The following SCFD2 variants were observed in gnomAD, a reference collection of about 807,000 sequenced individuals.
SCFD2 encodes sec1 family domain containing 2.
Under a neutral mutation model 58.9 loss-of-function variants are expected in SCFD2, and 54 were observed. That is an observed-to-expected ratio of 0.92 (90% CI 0.74 to 1.15). The LOEUF is 1.15. Ranked by LOEUF, SCFD2 falls within the 50% of genes most tolerant of loss-of-function variation. The pLI, the probability that SCFD2 is intolerant of heterozygous loss-of-function variation, is 0.00. For synonymous variants in SCFD2, 321 were observed against 335.9 expected (o/e 0.96, Z 0.49); for missense variants, 805 against 836.6 (o/e 0.96, Z 0.47).
intron 5 of SCFD2, among the ~76,000 whole-genome samples, chr4:53,057,431 C>T (rs1723376077): frequency 6.6e-6 from 1 of 152,116 alleles, no homozygotes. Context: ...AGCCATCATC[C>T]TCAGCAAACT....
intron 4 of SCFD2, among the ~76,000 whole-genome samples, chr4:53,176,608 C>G (rs1727338080): frequency 6.6e-6 from 1 of 152,236 alleles, no homozygotes; most frequent in African/African-American, 2.4e-5. Context: ...TTCTAGACCA[C>G]TGTTCTGACT....
chr4:53,140,220 A>T (rs903283653), intron 5 of SCFD2, among the ~76,000 whole-genome samples: 6 of 151,772 alleles, frequency 4.0e-5, no homozygotes, highest in Non-Finnish European at 1.5e-5. Flanking sequence ...AAAAAAATAA[A>T]AAAAAAGAAC....
intron 5 of SCFD2, among the ~76,000 whole-genome samples, chr4:53,019,340 C>A (rs1460278396): frequency 3.9e-5 from 6 of 151,950 alleles, no homozygotes; most frequent in African/African-American, 1.5e-4. Context: ...GTATTTAAAG[C>A]CCTGTTTATG....
At chr4:53,248,352 GC>G (rs1730193400) in intron 4 of SCFD2, among the ~76,000 whole-genome samples, 1 of 152,222 alleles carries the variant, frequency 6.6e-6, no homozygotes. Flanking sequence ...GGGGAGGGGC[GC>G]CCGCCATTGC....
intron 4 of SCFD2, among the ~76,000 whole-genome samples, chr4:53,253,468 A>G (rs140838106): frequency 0.57 from 86,519 of 151,766 alleles, 24,998 homozygotes; most frequent in Middle Eastern, 0.65. Context: ...TATTCACAAT[A>G]GCAAAGACTT....
intron 5 of SCFD2, among the ~76,000 whole-genome samples, chr4:52,995,534 C>T (rs368530362): frequency 1.6e-4 from 24 of 152,322 alleles, no homozygotes; most frequent in African/African-American, 3.8e-4. Flanking sequence ...GAGTCACTTC[C>T]GTTTGACCAG....
At chr4:53,070,920 A>G (rs1043569739) in intron 5 of SCFD2, among the ~76,000 whole-genome samples, 1 of 152,112 alleles carries the variant, frequency 6.6e-6, no homozygotes, top group African/African-American at 2.4e-5. Flanking sequence ...TTTCTTGCTT[A>G]CTAATGAAAC....
chr4:53,296,635 T>A (rs2149092328), intron 3 of SCFD2, among the ~76,000 whole-genome samples: 1 of 152,304 alleles, frequency 6.6e-6, no homozygotes, highest in East Asian at 1.9e-4. Flanking sequence ...TGTCTCTATC[T>A]CCTTCAGTTC....
intron 2 of SCFD2, among the ~76,000 whole-genome samples, chr4:53,345,030 T>C (rs183170935): frequency 1.4e-3 from 220 of 152,272 alleles, no homozygotes; most frequent in Non-Finnish European, 2.4e-3. Context: ...ATTCAGGACA[T>C]AGGCATGGGC....
chr4:53,005,225 A>G (rs962713644), intron 5 of SCFD2, among the ~76,000 whole-genome samples: 1 of 152,140 alleles, frequency 6.6e-6, no homozygotes, highest in Non-Finnish European at 1.5e-5. Flanking sequence ...AACTTTGGTC[A>G]TGACTCCACT....
At chr4:53,255,419 G>C (rs909954039) in intron 4 of SCFD2, among the ~76,000 whole-genome samples, 9 of 151,986 alleles carry the variant, frequency 5.9e-5, no homozygotes, top group Admixed American at 1.3e-4. Context: ...TGACTCTTAA[G>C]GAGCATGCTG....
intron 5 of SCFD2, among the ~76,000 whole-genome samples, chr4:53,091,340 C>T (rs1351584304): frequency 1.3e-5 from 2 of 149,212 alleles, no homozygotes; most frequent in Admixed American, 6.7e-5. Context: ...TAACTCTCAG[C>T]ACCCAGGCAA....
intron 5 of SCFD2, among the ~76,000 whole-genome samples, chr4:53,024,956 T>A (rs1722437503): frequency 6.6e-6 from 1 of 152,208 alleles, no homozygotes; most frequent in African/African-American, 2.4e-5. Context: ...TCTGTGAGTA[T>A]CCACTGCATT....
chr4:53,084,830 G>C (rs112220582), intron 5 of SCFD2, among the ~76,000 whole-genome samples: 1 of 152,172 alleles, frequency 6.6e-6, no homozygotes, highest in Non-Finnish European at 1.5e-5. Flanking sequence ...ATTTGATAAA[G>C]TTCAACATTC....
chr4:53,072,855 C>T (rs1723861752), intron 5 of SCFD2, among the ~76,000 whole-genome samples: 1 of 152,104 alleles, frequency 6.6e-6, no homozygotes, highest in South Asian at 2.1e-4. Context: ...GTGTCCGCAT[C>T]CTAGTTTTCT....
In SCFD2 at chr4:53,352,816, C is replaced by A. The variant is rs1379974254; in HGVS notation, c.839-50G>T. On this transcript the variant is annotated intron_variant, in intron 1 of 8. Transcript: ENST00000401642. ...AAATTCATAAAATGGGAGGAAAAAG[C>A]AAGTTGGATAAATGTTTTATCACAC... 3 of 1,495,696 alleles carry A rather than the reference C, an allele frequency of 2.0e-6. No individual in the cohort carries two copies. In the East Asian group the frequency reaches 6.9e-5, roughly 34 times the overall value. The allele number at this position is 1,495,696 out of a possible 1,614,324, so 92.7% of individuals were successfully genotyped here. A position where few individuals can be genotyped will look rare whatever the true frequency, so the allele number is the denominator to read the frequency against.
intron 5 of SCFD2, among the ~76,000 whole-genome samples, chr4:52,933,370 A>G (rs1453219148): frequency 3.3e-5 from 5 of 152,212 alleles, no homozygotes; most frequent in Non-Finnish European, 5.9e-5. Flanking sequence ...AGAGATAACT[A>G]AGATGAATCA....
Position 53,163,439 on chromosome 4 carries a change from A to C in SCFD2, c.1312-17857T>G, listed in dbSNP as rs557552869. The stretch of plus-strand genomic sequence containing the variant: ...GATGGCTGCATTTAAAAAGAGGAGA[A>C]GAGGCCAGGCGCAGGGGCTCACACC... On this transcript the variant is annotated intron_variant, in intron 4 of 8. Coordinates refer to ENST00000401642, the MANE Select transcript of SCFD2 (RefSeq NM_152540.4). Among the ~76,000 whole-genome samples, 12 of 152,308 alleles carry C rather than the reference A, an allele frequency of 7.9e-5. No homozygotes were observed. In the East Asian group the frequency reaches 2.1e-3, roughly 27 times the overall value.
At chr4:53,332,056 G>A (rs1458839533) in intron 2 of SCFD2, among the ~76,000 whole-genome samples, 4 of 152,232 alleles carry the variant, frequency 2.6e-5, no homozygotes, top group African/African-American at 9.6e-5. Context: ...GGAAAAAGTT[G>A]AATCTCTGAA....
Sources: allele counts gnomAD v4.1 joint callset (sites outside exome capture counted in the v4.1 genomes callset), GRCh38; gene constraint gnomAD v4.1.1; transcripts MANE v1.5; gene names NCBI Gene and HGNC (gene_info 2026-07-23, HGNC 2026-07-21).